Variants in FMR1 observed in about 807,000 individuals in gnomAD.
FMR1 encodes fragile X messenger ribonucleoprotein 1.
In FMR1, 13 loss-of-function variants were observed where a neutral mutation model predicts 50.6. That is an observed-to-expected ratio of 0.26 (90% CI 0.17 to 0.41). The LOEUF is 0.41. FMR1 is among the 10% of genes least tolerant of loss of function. The pLI, the probability that FMR1 is intolerant of heterozygous loss-of-function variation, is 1.00. For synonymous variants in FMR1, 138 were observed against 164.1 expected (o/e 0.84, Z 1.22); for missense variants, 316 against 491.3 (o/e 0.64, Z 3.37).
In FMR1 at chrX:147,922,014, A is replaced by G. The variant is rs202221941; in HGVS notation, c.104+29A>G. On this transcript the variant is annotated intron_variant, in intron 2 of 16. Transcript: ENST00000370475. ...AGTGTCTCGTTATATAATTTTAATG[A>G]TGAGGTTCTTTAATATTTTATGCTA... 2.3e-6 allele frequency: 2 copies of G among 882,593 alleles called. No homozygotes were observed. The highest frequency in any genetic ancestry group is 3.3e-6 in the Non-Finnish European group (2 of 601,116). The allele number at this position is 882,593 out of a possible 1,213,427, so 72.7% of individuals were successfully genotyped here.
chrX:147,938,240 T>C lies in FMR1; in HGVS notation c.1188+79T>C. On this transcript the variant is annotated intron_variant, in intron 12 of 16. Transcript: ENST00000370475. ...TCCCCTTGTTAACAAAGATTACAAA[T>C]GATCCTCAGGATTAGGGACTGGAGG... The C allele has an allele frequency of 4.7e-6, 4 of 848,736 alleles. No individual in the cohort carries two copies. The South Asian group carries it at 8.1e-5, about 17-fold the overall frequency. The allele number at this position is 848,736 out of a possible 1,213,427, so 69.9% of individuals were successfully genotyped here. A position where few individuals can be genotyped will look rare whatever the true frequency, so the allele number is the denominator to read the frequency against.
chrX:147,922,111 G>T (rs1419588941), intron 2 of FMR1, 126 bp downstream of exon 2: 2 of 475,021 alleles, frequency 4.2e-6, no homozygotes, highest in Non-Finnish European at 7.4e-6. Flanking sequence ...TCATGTTACT[G>T]ACTGAGAAGT....
chrX:147,936,430 G>C (rs1014286057), intron 9 of FMR1, 74 bp from the exon 10 acceptor site: 1 of 628,423 alleles, frequency 1.6e-6, no homozygotes, highest in Middle Eastern at 3.1e-4. Context: ...GAATGTAATA[G>C]TTTACAGTAG....
chrX:147,928,192 G>A (rs2043456434), intron 3 of FMR1, 130 bp from the exon 4 acceptor site: 1 of 547,196 alleles, frequency 1.8e-6, no homozygotes, highest in Non-Finnish European at 3.1e-6. Context: ...CAATTTGGTT[G>A]AGGATATATG....
rs1557179888 is a variant in FMR1, at chrX:147,937,571, T to C, written c.1096T>C (p.Ser366Pro). The C allele has an allele frequency of 9.3e-7, 1 of 1,070,867 alleles. No homozygotes were observed. The highest frequency in any genetic ancestry group is 1.8e-5 in the African/African-American group (1 of 54,540). 88.3% of individuals were successfully genotyped at this position (1,070,867 alleles called of 1,213,427 possible). A position where few individuals can be genotyped will look rare whatever the true frequency, so the allele number is the denominator to read the frequency against. The part of the protein sequence containing the change: ...LDIKENSTHF[S>P]QPNSTKVQRV... ...TATAAAGGAAAACAGCACCCATTTT[T>C]CTCAACCTAACAGTACAAAAGTCCA... Residue 366 changes from serine to proline, a missense_variant, in exon 11 of 17, where the codon TCT becomes CCT. Physicochemically the swap from Ser to Pro is moderately conservative, Grantham distance 74. Transcript: ENST00000370475.
At chrX:147,946,501 T>C (rs1459845848) in intron 16 of FMR1, among the ~76,000 whole-genome samples, 1 of 112,065 alleles carries the variant, frequency 8.9e-6, no homozygotes, top group African/African-American at 3.2e-5. Context: ...TTTAAAATTA[T>C]CTCCTGAGCA....
At position 147,928,670 on chromosome X, in the gene FMR1, A is replaced by C. The variant is rs782544542; in HGVS notation, c.282A>C (p.Ile94=). 2.5e-6 allele frequency: 3 copies of C among 1,202,362 alleles called. No individual in the cohort carries two copies. The highest frequency in any genetic ancestry group is 3.4e-6 in the Non-Finnish European group (3 of 887,948). The part of the protein sequence containing the change: ...VRMIKGEFYV[I]EYAACDATYN... ...TATTTATTTCTCAGTTTTATGTGAT[A>C]GAATATGCAGCATGTGATGCAACTT... is the stretch of plus-strand genomic sequence containing the variant. The change falls in exon 5 of 17, where the codon ATA becomes ATC. Residue 94 remains isoleucine (I), a synonymous_variant. Coordinates refer to ENST00000370475, the MANE Select transcript of FMR1 (RefSeq NM_002024.6).
intron 3 of FMR1, among the ~76,000 whole-genome samples, chrX:147,927,476 T>C (rs2043431523): frequency 8.9e-6 from 1 of 112,022 alleles, no homozygotes; most frequent in African/African-American, 3.3e-5. Flanking sequence ...TTCGAGCTTT[T>C]ACTCTACTTG....
In FMR1 at chrX:147,928,779, C is replaced by G. The variant is rs1557178067; in HGVS notation, c.391C>G (p.Leu131Val). 8.3e-7 allele frequency: 1 copy of G among 1,210,678 alleles called. No individual in the cohort carries two copies. Among genetic ancestry groups the G allele is most frequent in the Admixed American group, 2.2e-5 (1 of 45,991 alleles). Residue 131 changes from leucine (L) to valine (V), a missense_variant, in exon 5 of 17, where the codon CTG (leucine) becomes GTG (valine). Leu to Val is a conservative substitution (Grantham distance 32). Coordinates refer to ENST00000370475, the MANE Select transcript of FMR1 (RefSeq NM_002024.6). Reference sequence around the variant, plus strand: ...AAAAGATACTTTCCATAAGATCAAGCTGGATGTGCCAGAAGACTTACGGCA... The same window carrying G: ...AAAAGATACTTTCCATAAGATCAAGGTGGATGTGCCAGAAGACTTACGGCA... The part of the protein sequence containing the change: ...ATKDTFHKIK[L>V]DVPEDLRQMC...
chrX:147,945,762 G>A (rs782507235), intron 16 of FMR1, 146 bp downstream of exon 16: 1 of 493,553 alleles, frequency 2.0e-6, no homozygotes, highest in Non-Finnish European at 3.6e-6. Flanking sequence ...TACAATTGTA[G>A]TCAATCTTAG....
chrX:147,924,512 TATA>T (rs1569545450), intron 2 of FMR1, among the ~76,000 whole-genome samples: 4 of 36,630 alleles, frequency 1.1e-4, no homozygotes, highest in African/African-American at 3.1e-4. Flanking sequence ...TATATATATA[TATA>T]TTTTTTTTTT....
intron 13 of FMR1, among the ~76,000 whole-genome samples, chrX:147,941,226 G>A (rs907472786): frequency 8.9e-6 from 1 of 111,806 alleles, no homozygotes; most frequent in African/African-American, 3.3e-5. Flanking sequence ...ACAAGGTGTA[G>A]TGGAGCAAGC....
intron 12 of FMR1, among the ~76,000 whole-genome samples, chrX:147,939,647 G>A (rs1298873769): frequency 3.7e-5 from 4 of 109,511 alleles, no homozygotes; most frequent in Middle Eastern, 4.3e-3. Flanking sequence ...CTGTAGTCCC[G>A]ACACTTTGGG....
At chrX:147,919,313 C>T (rs895687825) in intron 1 of FMR1, among the ~76,000 whole-genome samples, 6 of 111,578 alleles carry the variant, frequency 5.4e-5, no homozygotes, top group East Asian at 2.8e-4. Flanking sequence ...ATAATTTTTA[C>T]GACCTATAGA....
chrX:147,938,329 G>A (rs1557180075), intron 12 of FMR1, among the ~76,000 whole-genome samples, 168 bp downstream of exon 12: 4 of 111,746 alleles, frequency 3.6e-5, no homozygotes, highest in East Asian at 2.8e-4. Flanking sequence ...CCTTCATGCC[G>A]CTTGTAAGGC....
intron 9 of FMR1, 78 bp from the exon 10 acceptor site, chrX:147,936,426 A>G (rs2043793058): frequency 3.3e-6 from 2 of 613,648 alleles, no homozygotes; most frequent in Non-Finnish European, 5.5e-6. Flanking sequence ...ATATGAATGT[A>G]ATAGTTTACA....
At chrX:147,933,332 T>C in intron 9 of FMR1, 1 of 516,439 alleles carries the variant, frequency 1.9e-6, no homozygotes, top group Non-Finnish European at 2.9e-6. Flanking sequence ...CTTTATGATT[T>C]GAAATAGATT....
At chrX:147,945,728 T>A in intron 16 of FMR1, 112 bp downstream of exon 16, 1 of 586,521 alleles carries the variant, frequency 1.7e-6, no homozygotes. Flanking sequence ...ATCCAGTTTA[T>A]GTGAAATATT....
chrX:147,934,880 A>G (rs2043735437), intron 9 of FMR1, among the ~76,000 whole-genome samples: 2 of 111,668 alleles, frequency 1.8e-5, no homozygotes, highest in African/African-American at 6.5e-5. Context: ...AACCAACGTT[A>G]TTTGTGATCT....
Sources: gnomAD v4.1 joint callset for allele counts (sites outside exome capture counted in the v4.1 genomes callset) on GRCh38, gnomAD v4.1.1 for gene constraint, MANE v1.5 for transcripts, NCBI Gene and HGNC (gene_info 2026-07-23, HGNC 2026-07-21) for gene names.